ERO1B: variants seen among roughly 807,000 people sequenced by gnomAD.
ERO1B encodes endoplasmic reticulum oxidoreductase 1 beta.
A neutral mutation model predicts 75.3 loss-of-function variants in ERO1B; 49 were observed. The observed-to-expected ratio is 0.65, with a 90% CI of 0.52 to 0.83. The LOEUF (loss-of-function observed/expected upper bound fraction) is 0.83, where lower values mean the gene tolerates loss of function less well. Among genes scored for constraint, ERO1B ranks in the 40% least tolerant of loss-of-function variants. The pLI, the probability that ERO1B is intolerant of heterozygous loss-of-function variation, is 0.00. For synonymous variants in ERO1B, 191 were observed against 192.9 expected (o/e 0.99, Z 0.08); for missense variants, 512 against 560.1 (o/e 0.91, Z 0.87).
chr1:236,272,907 A>G (rs1035606671), intron 1 of ERO1B, among the ~76,000 whole-genome samples: 11 of 152,144 alleles, frequency 7.2e-5, no homozygotes, highest in African/African-American at 2.7e-4. Context: ...TGAGGTTTGT[A>G]GCACCTCATT....
At chr1:236,226,811 G>A (rs1237397895) in intron 10 of ERO1B, 72 bp from the exon 11 acceptor site, 1 of 1,059,434 alleles carries the variant, frequency 9.4e-7, no homozygotes, top group Non-Finnish European at 1.4e-6. Flanking sequence ...AGGAGGTTCA[G>A]TATGTAGGCT....
intron 2 of ERO1B, among the ~76,000 whole-genome samples, chr1:236,266,432 C>T (rs763893171): frequency 6.6e-6 from 1 of 151,980 alleles, no homozygotes; most frequent in African/African-American, 2.4e-5. Flanking sequence ...GGTGAAACCC[C>T]GTATCTACTA....
intron 2 of ERO1B, among the ~76,000 whole-genome samples, chr1:236,268,754 CAGGT>C (rs1665523173): frequency 6.6e-6 from 1 of 151,020 alleles, no homozygotes; most frequent in Non-Finnish European, 1.5e-5. Context: ...TGCGTGGTGG[CAGGT>C]GCCTGTAGTC....
At chr1:236,224,689 C>T (rs752506324) in intron 13 of ERO1B, among the ~76,000 whole-genome samples, 1 of 152,128 alleles carries the variant, frequency 6.6e-6, no homozygotes, top group East Asian at 1.9e-4. Flanking sequence ...TTTCAAAAAC[C>T]GTAACATTCC....
At chr1:236,225,733 G>A (rs1451470252) in intron 12 of ERO1B, among the ~76,000 whole-genome samples, 1 of 152,194 alleles carries the variant, frequency 6.6e-6, no homozygotes, top group African/African-American at 2.4e-5. Flanking sequence ...CCAGGAGCTT[G>A]AGACCAGCCT....
intron 1 of ERO1B, among the ~76,000 whole-genome samples, chr1:236,274,683 A>T (rs1665671108): frequency 6.6e-6 from 1 of 151,954 alleles, no homozygotes; most frequent in Admixed American, 6.6e-5. Flanking sequence ...AATTCAGCCT[A>T]TTTACTGAGG....
chr1:236,253,078 GT>G (rs369452843), intron 3 of ERO1B, among the ~76,000 whole-genome samples: 167 of 146,354 alleles, frequency 1.1e-3, no homozygotes, highest in African/African-American at 3.6e-3. Flanking sequence ...TTTTTATTTT[GT>G]TTTTTTTTTC....
intron 1 of ERO1B, among the ~76,000 whole-genome samples, chr1:236,272,247 T>C (rs1665607661): frequency 6.6e-6 from 1 of 152,184 alleles, no homozygotes; most frequent in African/African-American, 2.4e-5. Flanking sequence ...AAAAGACACC[T>C]GCACTTGAAC....
At chr1:236,253,661 A>G (rs1330598370) in intron 2 of ERO1B, among the ~76,000 whole-genome samples, 156 bp from the exon 3 acceptor site, 2 of 152,208 alleles carry the variant, frequency 1.3e-5, no homozygotes, top group Non-Finnish European at 2.9e-5. Context: ...AATGACAGCA[A>G]TGAGCTAGAT....
At chr1:236,255,074 C>A (rs899138264) in intron 2 of ERO1B, among the ~76,000 whole-genome samples, 3 of 151,520 alleles carry the variant, frequency 2.0e-5, no homozygotes, top group Non-Finnish European at 4.4e-5. Flanking sequence ...AGATGTACCA[C>A]CACACCTGGC....
chr1:236,254,764 C>T (rs868220722), intron 2 of ERO1B, among the ~76,000 whole-genome samples: 50 of 152,156 alleles, frequency 3.3e-4, no homozygotes, highest in Non-Finnish European at 2.5e-4. Flanking sequence ...AGGTGTCCAC[C>T]ACCACGCCTG....
At chr1:236,242,615 T>C (rs1208158294) in intron 6 of ERO1B, among the ~76,000 whole-genome samples, 1 of 152,050 alleles carries the variant, frequency 6.6e-6, no homozygotes, top group Non-Finnish European at 1.5e-5. Context: ...TTTAAAACTT[T>C]AGAAAGCAGA....
At chr1:236,228,515 C>T (rs1664328279) in intron 10 of ERO1B, among the ~76,000 whole-genome samples, 2 of 152,130 alleles carry the variant, frequency 1.3e-5, no homozygotes, top group African/African-American at 2.4e-5. Context: ...GCTGACTTAC[C>T]AAGGCAGAAT....
chr1:236,256,590 G>C (rs192995340), intron 2 of ERO1B, among the ~76,000 whole-genome samples: 3 of 152,172 alleles, frequency 2.0e-5, no homozygotes, highest in Non-Finnish European at 4.4e-5. Flanking sequence ...CTTTCTCCTG[G>C]CATGCTTCAG....
At chr1:236,253,988 T>A (rs1362513889) in intron 2 of ERO1B, among the ~76,000 whole-genome samples, 1 of 152,156 alleles carries the variant, frequency 6.6e-6, no homozygotes, top group Non-Finnish European at 1.5e-5. Context: ...GGCTAGCGGA[T>A]GGAGGCCTCT....
intron 1 of ERO1B, among the ~76,000 whole-genome samples, chr1:236,280,033 TA>T (rs1665795658): frequency 6.6e-6 from 1 of 152,198 alleles, no homozygotes; most frequent in Non-Finnish European, 1.5e-5. Context: ...CTCACACCTG[TA>T]ATCCCAGCAC....
intron 5 of ERO1B, among the ~76,000 whole-genome samples, chr1:236,247,163 C>T (rs916914908): frequency 6.6e-6 from 1 of 152,156 alleles, no homozygotes; most frequent in African/African-American, 2.4e-5. Context: ...TTTATGGCTG[C>T]TAAACACCAT....
chr1:236,251,209 A>G (rs1378647927), intron 4 of ERO1B, among the ~76,000 whole-genome samples: 1 of 151,932 alleles, frequency 6.6e-6, no homozygotes, highest in Non-Finnish European at 1.5e-5. Context: ...ATATTATTTA[A>G]ATTAAAAAAA....
chr1:236,264,410 AC>A (rs1665372912), intron 2 of ERO1B, among the ~76,000 whole-genome samples: 1 of 152,144 alleles, frequency 6.6e-6, no homozygotes, highest in Non-Finnish European at 1.5e-5. Context: ...TGCCCAGACA[AC>A]TTTTTTCATT....
Sources: gnomAD v4.1 joint callset for allele counts (sites outside exome capture counted in the v4.1 genomes callset) on GRCh38, gnomAD v4.1.1 for gene constraint, MANE v1.5 for transcripts, NCBI Gene and HGNC (gene_info 2026-07-23, HGNC 2026-07-21) for gene names.